The following ZCCHC7 variants were observed in gnomAD, a reference collection of about 807,000 sequenced individuals.
ZCCHC7 encodes the protein zinc finger CCHC domain-containing protein 7.
In ZCCHC7, 35 loss-of-function variants were observed where a neutral mutation model predicts 52.0. That is an observed-to-expected ratio of 0.67 (90% CI 0.51 to 0.89). ZCCHC7 has a LOEUF of 0.89. Among genes scored for constraint, ZCCHC7 ranks in the 40% least tolerant of loss-of-function variants. ZCCHC7 has a pLI of 0.00. For missense variants in ZCCHC7, 574 were observed against 649.1 expected, an observed-to-expected ratio of 0.88 and a Z score of 1.26; for synonymous variants, 217 against 221.5, an observed-to-expected ratio of 0.98 and a Z score of 0.18.
intron 2 of ZCCHC7, among the ~76,000 whole-genome samples, chr9:37,163,720 A>AT (rs1821246657): frequency 6.6e-6 from 1 of 152,190 alleles, no homozygotes; most frequent in Non-Finnish European, 1.5e-5. Flanking sequence ...TTAATGGATC[A>AT]TGCTTTTGGG....
At chr9:37,277,912 A>G (rs1379091101) in intron 2 of ZCCHC7, among the ~76,000 whole-genome samples, 2 of 152,172 alleles carry the variant, frequency 1.3e-5, no homozygotes, top group African/African-American at 4.8e-5. Context: ...AATAAAAAGA[A>G]ACTGGAAACT....
intron 2 of ZCCHC7, among the ~76,000 whole-genome samples, chr9:37,262,718 G>A (rs957066833): frequency 2.0e-5 from 3 of 152,184 alleles, no homozygotes; most frequent in African/African-American, 7.2e-5. Flanking sequence ...TTGTGACACT[G>A]TAGTATAAAG....
chr9:37,204,662 C>T (rs1823810264), intron 2 of ZCCHC7, among the ~76,000 whole-genome samples: 1 of 152,108 alleles, frequency 6.6e-6, no homozygotes, highest in East Asian at 1.9e-4. Flanking sequence ...TTCCACTGGT[C>T]TATATGTCTG....
intron 2 of ZCCHC7, among the ~76,000 whole-genome samples, chr9:37,154,068 T>C (rs1400946382): frequency 1.3e-5 from 2 of 151,970 alleles, no homozygotes; most frequent in East Asian, 3.9e-4. Flanking sequence ...TTTTTGATTT[T>C]TTGTAGAGAT....
At chr9:37,271,758 C>A (rs1375023075) in intron 2 of ZCCHC7, among the ~76,000 whole-genome samples, 1 of 151,988 alleles carries the variant, frequency 6.6e-6, no homozygotes, top group Non-Finnish European at 1.5e-5. Context: ...TTAGGAGAGT[C>A]GAGGTTTCAC....
intron 2 of ZCCHC7, among the ~76,000 whole-genome samples, chr9:37,147,944 A>G (rs1474843230): frequency 1.3e-5 from 2 of 152,062 alleles, no homozygotes; most frequent in East Asian, 1.9e-4. Flanking sequence ...ACTGGTGATA[A>G]TGATGTCTAT....
At chr9:37,334,096 T>G (rs1452488657) in intron 6 of ZCCHC7, 1 of 151,948 alleles carries the variant, frequency 6.6e-6, no homozygotes, top group African/African-American at 2.4e-5. Flanking sequence ...CTTTGTCGTG[T>G]TACGTACACA....
intron 2 of ZCCHC7, among the ~76,000 whole-genome samples, chr9:37,143,128 T>A (rs1309073995): frequency 2.0e-5 from 3 of 151,804 alleles, no homozygotes; most frequent in Non-Finnish European, 4.4e-5. Context: ...AGGTCATGAT[T>A]GCTTGATGCC....
intron 2 of ZCCHC7, among the ~76,000 whole-genome samples, chr9:37,152,786 A>G (rs968353484): frequency 3.9e-5 from 6 of 152,098 alleles, no homozygotes; most frequent in Non-Finnish European, 7.3e-5. Context: ...CTCTACTGTG[A>G]AGGTATTCTT....
chr9:37,120,464 G>C (rs539096273), upstream of ZCCHC7: 2 of 398,032 alleles, frequency 5.0e-6, no homozygotes, highest in South Asian at 2.6e-4. Context: ...GCAGGTGGGC[G>C]GGGACGGAAA....
At chr9:37,309,557 T>G (rs1451319319) in intron 5 of ZCCHC7, among the ~76,000 whole-genome samples, 1 of 152,246 alleles carries the variant, frequency 6.6e-6, no homozygotes, top group Non-Finnish European at 1.5e-5. Flanking sequence ...TTTGTCATTT[T>G]CATCTTCCCA....
chr9:37,212,335 A>G (rs887757111), intron 2 of ZCCHC7, among the ~76,000 whole-genome samples: 6 of 152,138 alleles, frequency 3.9e-5, no homozygotes, highest in Non-Finnish European at 7.4e-5. Context: ...ACTTAGAAAT[A>G]TTTTAATTTG....
chr9:37,225,985 A>C (rs1043535746), intron 2 of ZCCHC7, among the ~76,000 whole-genome samples: 1 of 152,244 alleles, frequency 6.6e-6, no homozygotes, highest in Non-Finnish European at 1.5e-5. Context: ...AGGCAGACGA[A>C]ATGGAAAGAA....
intron 2 of ZCCHC7, among the ~76,000 whole-genome samples, chr9:37,281,548 A>G (rs1827959290): frequency 6.6e-6 from 1 of 152,218 alleles, no homozygotes; most frequent in African/African-American, 2.4e-5. Context: ...CAGAAAATAA[A>G]CTAAGAAAAT....
At chr9:37,320,964 T>G (rs1830023137) in intron 5 of ZCCHC7, among the ~76,000 whole-genome samples, 1 of 151,364 alleles carries the variant, frequency 6.6e-6, no homozygotes, top group Admixed American at 6.6e-5. Context: ...ATGGAGTTTA[T>G]ATAATTGGGT....
At chr9:37,235,054 A>G (rs1825579995) in intron 2 of ZCCHC7, among the ~76,000 whole-genome samples, 3 of 152,226 alleles carry the variant, frequency 2.0e-5, no homozygotes, top group African/African-American at 4.8e-5. Flanking sequence ...TAGTGTATCC[A>G]TCACCTCAAA....
At chr9:37,326,093 CTGCT>C (rs1830229109) in intron 5 of ZCCHC7, 1 of 152,164 alleles carries the variant, frequency 6.6e-6, no homozygotes, top group African/African-American at 2.4e-5. Flanking sequence ...GTATAAATAA[CTGCT>C]TGCTTATTTC....
chr9:37,139,108 C>T (rs915306638), intron 2 of ZCCHC7, among the ~76,000 whole-genome samples: 7 of 151,936 alleles, frequency 4.6e-5, no homozygotes, highest in Non-Finnish European at 8.8e-5. Context: ...GTAATAATCT[C>T]TTATAAATGC....
At chr9:37,250,300 CTTTTT>C (rs1220457810) in intron 2 of ZCCHC7, among the ~76,000 whole-genome samples, 2 of 132,456 alleles carry the variant, frequency 1.5e-5, no homozygotes, top group Non-Finnish European at 3.2e-5. Flanking sequence ...CTTTCTCTCT[CTTTTT>C]TTTTTTTTTT....
Sources: gnomAD v4.1 joint callset for allele counts (sites outside exome capture counted in the v4.1 genomes callset) on GRCh38, gnomAD v4.1.1 for gene constraint, MANE v1.5 for transcripts, NCBI Gene and HGNC (gene_info 2026-07-23, HGNC 2026-07-21) for gene names.